NXPH1: variants seen among roughly 807,000 people sequenced by gnomAD.
NXPH1 encodes the protein neurexophilin-1.
In NXPH1, 5 loss-of-function variants were observed where a neutral mutation model predicts 23.7. That is an observed-to-expected ratio of 0.21 (90% CI 0.11 to 0.44). NXPH1 has a LOEUF of 0.44. Among genes scored for constraint, NXPH1 ranks in the 20% least tolerant of loss-of-function variants. The probability of loss-of-function intolerance (pLI) is 0.99; values close to 1 mark genes in which losing one functional copy is unlikely to be tolerated. For missense variants in NXPH1, 324 were observed against 321.6 expected (o/e 1.01, Z -0.06); for synonymous variants, 144 against 122.2 (o/e 1.18, Z -1.18).
At chr7:8,702,601 A>T (rs1429691341) in intron 2 of NXPH1, among the ~76,000 whole-genome samples, 1 of 152,104 alleles carries the variant, frequency 6.6e-6, no homozygotes, top group Non-Finnish European at 1.5e-5. Flanking sequence ...TATGAGTTTC[A>T]TTCTTCTATT....
At chr7:8,521,422 G>T (rs905121481) in intron 2 of NXPH1, among the ~76,000 whole-genome samples, 2 of 152,124 alleles carry the variant, frequency 1.3e-5, no homozygotes, top group African/African-American at 4.8e-5. Context: ...CTAGCCAATT[G>T]CATAGTAGTG....
At chr7:8,666,848 G>C (rs1820779564) in intron 2 of NXPH1, among the ~76,000 whole-genome samples, 1 of 151,726 alleles carries the variant, frequency 6.6e-6, no homozygotes, top group Non-Finnish European at 1.5e-5. Flanking sequence ...ATGATCTTTT[G>C]TATTTCTGTG....
chr7:8,644,606 A>G (rs1049417549), intron 2 of NXPH1, among the ~76,000 whole-genome samples: 10 of 152,144 alleles, frequency 6.6e-5, no homozygotes, highest in Admixed American at 5.2e-4. Flanking sequence ...GATTTCAGAA[A>G]GAACATTGTG....
At chr7:8,690,104 T>A (rs1821202073) in intron 2 of NXPH1, among the ~76,000 whole-genome samples, 1 of 152,236 alleles carries the variant, frequency 6.6e-6, no homozygotes. Flanking sequence ...ATTATTTTAA[T>A]AAAGCAATCT....
chr7:8,525,428 T>C (rs1817845582), intron 2 of NXPH1, among the ~76,000 whole-genome samples: 1 of 152,054 alleles, frequency 6.6e-6, no homozygotes, highest in South Asian at 2.1e-4. Flanking sequence ...AAAAACCCAT[T>C]TTATGAGGAG....
intron 2 of NXPH1, among the ~76,000 whole-genome samples, chr7:8,731,617 G>T (rs1780155336): frequency 6.6e-6 from 1 of 152,298 alleles, no homozygotes; most frequent in Non-Finnish European, 1.5e-5. Flanking sequence ...GTGTCAGTCT[G>T]CCCCTGTTGG....
intron 2 of NXPH1, among the ~76,000 whole-genome samples, chr7:8,510,437 T>C (rs987160889): frequency 9.2e-5 from 14 of 152,084 alleles, no homozygotes; most frequent in African/African-American, 2.7e-4. Context: ...CAATTATCTG[T>C]AGTAGAATTT....
chr7:8,606,882 C>T (rs1483379437), intron 2 of NXPH1, among the ~76,000 whole-genome samples: 3 of 151,716 alleles, frequency 2.0e-5, no homozygotes, highest in Non-Finnish European at 1.5e-5. Context: ...CATATAGTTT[C>T]TTGAAAATAT....
intron 2 of NXPH1, among the ~76,000 whole-genome samples, chr7:8,740,044 C>T (rs552136412): frequency 6.6e-6 from 1 of 152,266 alleles, no homozygotes; most frequent in African/African-American, 2.4e-5. Context: ...TATGCTAATT[C>T]CCACTTCAGT....
chr7:8,662,890 G>A (rs1325698770), intron 2 of NXPH1, among the ~76,000 whole-genome samples: 4 of 151,932 alleles, frequency 2.6e-5, no homozygotes, highest in Non-Finnish European at 2.9e-5. Context: ...AACAATAAAA[G>A]GTTATGCATT....
chr7:8,705,616 C>T (rs1230812816), intron 2 of NXPH1, among the ~76,000 whole-genome samples: 1 of 152,144 alleles, frequency 6.6e-6, no homozygotes, highest in African/African-American at 2.4e-5. Context: ...GGCATTGATT[C>T]CAGTTGCAGC....
chr7:8,589,351 A>G (rs930284143), intron 2 of NXPH1, among the ~76,000 whole-genome samples: 1 of 152,092 alleles, frequency 6.6e-6, no homozygotes, highest in African/African-American at 2.4e-5. Context: ...GACTTCTGAA[A>G]ATTGTAGTTT....
rs1817758410 is a variant in NXPH1, at chr7:8,520,736, A to G, written c.54+84969A>G. Reference sequence around the variant, plus strand: ...TGGGGATAACAGTGTTTCAGTTCTGAGCCTTCTTATCTAAGGTAGCTCAGG... The same window carrying G: ...TGGGGATAACAGTGTTTCAGTTCTGGGCCTTCTTATCTAAGGTAGCTCAGG... On this transcript the variant is annotated intron_variant, in intron 2 of 2. Transcript: ENST00000405863. Among the ~76,000 whole-genome samples the G allele has an allele frequency of 8.5e-5, 13 of 152,222 alleles. No homozygotes were observed. The South Asian group carries it at 2.7e-3, about 32-fold the overall frequency.
At chr7:8,710,679 G>A (rs1779777273) in intron 2 of NXPH1, among the ~76,000 whole-genome samples, 1 of 104,616 alleles carries the variant, frequency 9.6e-6, no homozygotes, top group Admixed American at 1.2e-4. Flanking sequence ...TTTTTGAGAC[G>A]GAGTCTCGCT....
chr7:8,637,271 G>A lies in NXPH1; in HGVS notation c.55-113737G>A, dbSNP rs1326099405. On this transcript the variant is annotated intron_variant, in intron 2 of 2. Coordinates refer to ENST00000405863, the MANE Select transcript of NXPH1 (RefSeq NM_152745.3). ...AGGGCCTGGCTTTTTAAACCAGACT[G>A]GAGTTCAGTGGTGCAATCATGGCTC... Among the ~76,000 whole-genome samples, 5 of 151,168 alleles carry A rather than the reference G, an allele frequency of 3.3e-5. 1 individual carries two copies. Among genetic ancestry groups the A allele is most frequent in the African/African-American group, 7.3e-5 (3 of 41,070 alleles).
At chr7:8,678,879 C>T (rs1411942270) in intron 2 of NXPH1, among the ~76,000 whole-genome samples, 1 of 147,538 alleles carries the variant, frequency 6.8e-6, no homozygotes, top group African/African-American at 2.5e-5. Context: ...GCAGACCTCT[C>T]CTCTCTTAGT....
chr7:8,677,138 A>T (rs1820964381), intron 2 of NXPH1, among the ~76,000 whole-genome samples: 1 of 152,236 alleles, frequency 6.6e-6, no homozygotes, highest in South Asian at 2.1e-4. Flanking sequence ...TTTGTTTCAT[A>T]CTAATCTGGT....
intron 2 of NXPH1, among the ~76,000 whole-genome samples, chr7:8,449,604 G>A (rs1816470164): frequency 6.6e-6 from 1 of 152,180 alleles, no homozygotes; most frequent in Admixed American, 6.5e-5. Context: ...GGAAATTGAG[G>A]CACTGAGAGT....
intron 2 of NXPH1, among the ~76,000 whole-genome samples, chr7:8,545,636 G>A: frequency 6.6e-6 from 1 of 151,462 alleles, no homozygotes; most frequent in East Asian, 1.9e-4. Flanking sequence ...TCTCTGCTCA[G>A]TTAGGTCAAT....
Sources: gnomAD v4.1 joint callset for allele counts (sites outside exome capture counted in the v4.1 genomes callset) on GRCh38, gnomAD v4.1.1 for gene constraint, MANE v1.5 for transcripts, NCBI Gene and HGNC (gene_info 2026-07-23, HGNC 2026-07-21) for gene names.